The following COL9A3 variants were observed in gnomAD, a reference collection of about 807,000 sequenced individuals.
The protein encoded by COL9A3 is collagen alpha-3(IX) chain.
A neutral mutation model predicts 110.2 loss-of-function variants in COL9A3; 82 were observed. That is an observed-to-expected ratio of 0.74 (90% CI 0.62 to 0.89). The LOEUF (loss-of-function observed/expected upper bound fraction) is 0.89, where lower values mean the gene tolerates loss of function less well. Ranked by LOEUF, COL9A3 falls within the 40% of genes least tolerant of loss-of-function variation. The pLI is 0.00. For missense variants in COL9A3, 1,066 were observed against 981.3 expected, an observed-to-expected ratio of 1.09 and a Z score of -1.15; for synonymous variants, 494 against 403.8, an observed-to-expected ratio of 1.22 and a Z score of -2.68.
In COL9A3 at chr20:62,819,952, C is replaced by T. The variant is rs752113330; in HGVS notation, c.279C>T (p.Pro93=). The stretch of plus-strand genomic sequence containing the variant: ...AGGGTCTGACTGGACGAGATGGACC[C>T]CCTGGACCCAAGGGTGCCCCTGGGG... ...GVDGLTGRDG[P]PGPKGAPGER... Residue 93 remains proline, a synonymous_variant, in exon 5 of 32, where the codon CCC becomes CCT. Coordinates refer to ENST00000649368, the MANE Select transcript of COL9A3 (RefSeq NM_001853.4). The T allele has an allele frequency of 8.1e-6, 13 of 1,612,918 alleles. No individual in the cohort carries two copies. The highest frequency in any genetic ancestry group is 1.7e-5 in the Admixed American group (1 of 60,014).
chr20:62,827,268 G>A lies in COL9A3; in HGVS notation c.820G>A (p.Gly274Arg), dbSNP rs887575556. 1 of 1,613,164 alleles carries A rather than the reference G, an allele frequency of 6.2e-7. No homozygotes were observed. The highest frequency in any genetic ancestry group is 8.5e-7 in the Non-Finnish European group (1 of 1,179,982). Residue 274 changes from glycine to arginine, a missense_variant, in exon 16 of 32, where the codon GGG (glycine) becomes AGG (arginine). By Grantham distance (125) the Gly-to-Arg change is moderately radical (BLOSUM62 -2). Coordinates refer to ENST00000649368, the MANE Select transcript of COL9A3 (RefSeq NM_001853.4). ...AGDRGERGPEGFRGPKGDLGR... is the reference protein window; with the variant it reads ...AGDRGERGPERFRGPKGDLGR... ...TGACCGAGGCGAGAGGGGCCCAGAA[G>A]GGTTCCGCGGCCCCAAGGGTGACCT...
chr20:62,825,949 C>T (rs374199827), intron 13 of COL9A3, 79 bp downstream of exon 13: 206 of 1,454,054 alleles, frequency 1.4e-4, no homozygotes, highest in Non-Finnish European at 1.8e-4. Flanking sequence ...TATCTACCCC[C>T]GAGGGGGCCA....
chr20:62,838,536 C>G, intron 30 of COL9A3, 148 bp from the exon 31 acceptor site: 1 of 793,102 alleles, frequency 1.3e-6, no homozygotes, highest in South Asian at 1.5e-5. Flanking sequence ...CCGTCAAGCC[C>G]TACGCGTGTG....
chr20:62,834,891 G>C (rs972605815), intron 26 of COL9A3, among the ~76,000 whole-genome samples: 2 of 151,972 alleles, frequency 1.3e-5, no homozygotes, highest in Admixed American at 1.3e-4. Flanking sequence ...CGCTCGCCTT[G>C]GCCTCCCAAA....
chr20:62,830,328 A>G (rs777551732), intron 22 of COL9A3, 32 bp from the exon 23 acceptor site: 2 of 1,558,764 alleles, frequency 1.3e-6, no homozygotes, highest in East Asian at 4.8e-5. Flanking sequence ...GAACCCTGAG[A>G]CATCCGCTCA....
chr20:62,820,273 C>T (rs1284580556), intron 5 of COL9A3, among the ~76,000 whole-genome samples: 1 of 152,074 alleles, frequency 6.6e-6, no homozygotes, highest in Non-Finnish European at 1.5e-5. Context: ...CAGAATGTCC[C>T]TGAAGCCCCC....
intron 5 of COL9A3, among the ~76,000 whole-genome samples, 188 bp downstream of exon 5, chr20:62,820,170 C>T (rs1991073209): frequency 1.3e-5 from 2 of 152,186 alleles, no homozygotes; most frequent in Non-Finnish European, 2.9e-5. Flanking sequence ...GCCTCCCTGC[C>T]TCACCTCCAC....
At chr20:62,832,636 C>T (rs1600806051) in intron 25 of COL9A3, among the ~76,000 whole-genome samples, 1 of 152,370 alleles carries the variant, frequency 6.6e-6, no homozygotes, top group African/African-American at 2.4e-5. Context: ...AAGCACTCTT[C>T]TTTTTGGAAA....
At chr20:62,819,332 C>G in intron 4 of COL9A3, 39 bp downstream of exon 4, 2 of 1,577,728 alleles carry the variant, frequency 1.3e-6, no homozygotes, top group Non-Finnish European at 1.7e-6. Context: ...CCCCACTCCC[C>G]GCTCCGGGTC....
Position 62,825,885 on chromosome 20 carries a change from G to T in COL9A3, c.684+15G>T. ...TGGGGCTGCAGGTGAGGCTAGGAAG[G>T]GGTAAGGATGGTGGGATGGGAACTC... On this transcript the variant is annotated intron_variant, in intron 13 of 31. Coordinates refer to ENST00000649368, the MANE Select transcript of COL9A3 (RefSeq NM_001853.4). The T allele has an allele frequency of 6.4e-7, 1 of 1,557,838 alleles. No homozygotes were observed. Among genetic ancestry groups the T allele is most frequent in the Non-Finnish European group, 8.7e-7 (1 of 1,150,626 alleles).
chr20:62,821,193 C>A lies in COL9A3; in HGVS notation c.322C>A (p.Pro108Thr), dbSNP rs749575376. 1.9e-6 allele frequency: 3 copies of A among 1,613,044 alleles called. No individual in the cohort carries two copies. Among genetic ancestry groups the A allele is most frequent in the Admixed American group, 1.7e-5 (1 of 59,958 alleles). ...TTTCCTCCCACAGGGAAGTCTGGGA[C>A]CCCCGGGGCCGCCCGGGCTGGGGGT... ...GAPGERGSLGPPGPPGLGGKG... is the reference protein window; with the variant it reads ...GAPGERGSLGTPGPPGLGGKG... Residue 108 changes from proline (P) to threonine (T), a missense_variant, in exon 6 of 32, where the codon CCC becomes ACC. Physicochemically the swap from Pro to Thr is conservative, Grantham distance 38. Coordinates refer to ENST00000649368, the MANE Select transcript of COL9A3 (RefSeq NM_001853.4).
At position 62,825,013 on chromosome 20, in the gene COL9A3, G is replaced by A. The variant is rs1226714995; in HGVS notation, c.622G>A (p.Gly208Ser). The A allele has an allele frequency of 6.2e-7, 1 of 1,609,520 alleles. No individual in the cohort carries two copies. Among genetic ancestry groups the A allele is most frequent in the African/African-American group, 1.3e-5 (1 of 74,536 alleles). ...KGEQGEVGKD[G>S]EKGDPGPPGP... ...CGAGCAGGGGGAAGTCGGCAAGGAC[G>A]GCGAGAAGGTGAAGCTGCCGCACAG... Residue 208 changes from glycine to serine, a missense_variant, in exon 12 of 32, where the codon GGC (glycine) becomes AGC (serine). Coordinates refer to ENST00000649368, the MANE Select transcript of COL9A3 (RefSeq NM_001853.4).
intron 24 of COL9A3, chr20:62,831,446 CCCGTCATT>C (rs2063596408): frequency 6.5e-6 from 1 of 153,052 alleles, no homozygotes; most frequent in Non-Finnish European, 1.5e-5. Context: ...CTGCAGATGC[CCCGTCATT>C]CCAGGGTGAT....
chr20:62,832,129 T>C, intron 24 of COL9A3, 25 bp from the exon 25 acceptor site: 1 of 1,610,984 alleles, frequency 6.2e-7, no homozygotes. Context: ...ATTCCTCTAA[T>C]CCAGAGCCTT....
At chr20:62,832,511 C>T (rs1396706304) in intron 25 of COL9A3, among the ~76,000 whole-genome samples, 1 of 152,294 alleles carries the variant, frequency 6.6e-6, no homozygotes, top group Non-Finnish European at 1.5e-5. Flanking sequence ...CCAATGGGAA[C>T]TCTCAAAGGG....
At position 62,829,837 on chromosome 20, in the gene COL9A3, G is replaced by A. The variant is rs1568758288; in HGVS notation, c.1161+18G>A. The A allele has an allele frequency of 1.3e-6, 2 of 1,553,146 alleles. No individual in the cohort carries two copies. Among genetic ancestry groups the A allele is most frequent in the South Asian group, 2.4e-5 (2 of 84,684 alleles). Reference sequence around the variant, plus strand: ...GCTCAGCGGTGAGTGCAGGGACATGGCCCGGGGTCGGGGGTTAGCACTGAG... The same window carrying A: ...GCTCAGCGGTGAGTGCAGGGACATGACCCGGGGTCGGGGGTTAGCACTGAG... On this transcript the variant is annotated intron_variant, in intron 22 of 31. Coordinates refer to ENST00000649368, the MANE Select transcript of COL9A3 (RefSeq NM_001853.4).
In COL9A3 at chr20:62,837,037, G is replaced by C. The variant is rs1352584442; in HGVS notation, c.1604-46G>C. 5.0e-6 allele frequency: 8 copies of C among 1,604,178 alleles called. No homozygotes were observed. The Admixed American group carries it at 1.3e-4, about 27-fold the overall frequency. ...TTATGCTTTACGTAACAATACTTCT[G>C]ATGATCCTCTCTCGAGTAAACGCCT... On this transcript the variant is annotated intron_variant, in intron 29 of 31. Coordinates refer to ENST00000649368, the MANE Select transcript of COL9A3 (RefSeq NM_001853.4).
At chr20:62,818,657 C>A in intron 3 of COL9A3, 104 bp downstream of exon 3, 2 of 1,304,608 alleles carry the variant, frequency 1.5e-6, no homozygotes, top group Non-Finnish European at 2.2e-6. Flanking sequence ...TGCCGGAGCC[C>A]GGGTTGCCTG....
In COL9A3 at chr20:62,821,246, C is replaced by T. The variant is rs1255199350; in HGVS notation, c.345+30C>T. ...GTATGGAGTGTGGTCCTCTCCTCTCCATGGGAGTTTGGGGAGCTGGAGAGT... is the reference window on the plus strand; with the variant it reads ...GTATGGAGTGTGGTCCTCTCCTCTCTATGGGAGTTTGGGGAGCTGGAGAGT... On this transcript the variant is annotated intron_variant, in intron 6 of 31. Transcript: ENST00000649368. 3 of 1,609,610 alleles carry T rather than the reference C, an allele frequency of 1.9e-6. No individual in the cohort carries two copies. In the Admixed American group the frequency reaches 5.0e-5, roughly 27 times the overall value.
Sources: allele counts gnomAD v4.1 joint callset (sites outside exome capture counted in the v4.1 genomes callset), GRCh38; gene constraint gnomAD v4.1.1; transcripts MANE v1.5; gene names NCBI Gene and HGNC (gene_info 2026-07-23, HGNC 2026-07-21).